C1orf21: variants seen among roughly 807,000 people sequenced by gnomAD.
The protein encoded by C1orf21 is chromosome 1 open reading frame 21.
A neutral mutation model predicts 18.7 loss-of-function variants in C1orf21; 3 were observed. The observed-to-expected ratio is 0.16, with a 90% CI of 0.07 to 0.42. The LOEUF is 0.42. C1orf21 is among the 10% of genes least tolerant of loss of function. The pLI, the probability that C1orf21 is intolerant of heterozygous loss-of-function variation, is 0.99. For synonymous variants in C1orf21, 41 were observed against 46.4 expected, an observed-to-expected ratio of 0.88 and a Z score of 0.47; for missense variants, 104 against 143.6, an observed-to-expected ratio of 0.72 and a Z score of 1.41.
At chr1:184,483,825 T>C (rs543689276) in intron 2 of C1orf21, among the ~76,000 whole-genome samples, 2 of 148,654 alleles carry the variant, frequency 1.3e-5, no homozygotes, top group East Asian at 4.0e-4. Flanking sequence ...TTTCTGTTTG[T>C]GCCAATAAAT....
At chr1:184,443,550 TAGTACCTGTAAAAGTTA>T (rs1399138814) in intron 1 of C1orf21, among the ~76,000 whole-genome samples, 3 of 152,224 alleles carry the variant, frequency 2.0e-5, no homozygotes, top group African/African-American at 2.4e-5. Flanking sequence ...CTTTTAAACA[TAGTACCTGTAAAAGTTA>T]AAATAGGTTT....
chr1:184,600,409 G>A (rs909983494), intron 5 of C1orf21, among the ~76,000 whole-genome samples: 7 of 152,064 alleles, frequency 4.6e-5, no homozygotes, highest in African/African-American at 9.7e-5. Flanking sequence ...TCAGGTGATC[G>A]ACGCACCTCA....
intron 1 of C1orf21, among the ~76,000 whole-genome samples, chr1:184,434,277 G>A (rs1337997935): frequency 2.0e-5 from 3 of 151,748 alleles, no homozygotes; most frequent in Non-Finnish European, 4.4e-5. Context: ...GAGGGTCTCT[G>A]TGGTGTCAGG....
chr1:184,559,640 C>T lies in C1orf21; in HGVS notation c.190-31099C>T, dbSNP rs533715840. ...CTCCCTCCCTCCCTTACTTTCTTTC[C>T]TTTCTTTCACATGTTCTGTCACCCA... On this transcript the variant is annotated intron_variant, in intron 3 of 5. Transcript: ENST00000235307. Among the ~76,000 whole-genome samples the T allele has an allele frequency of 1.8e-3, 251 of 137,966 alleles. 3 individuals are homozygous for T. The highest frequency in any genetic ancestry group is 7.4e-3 in the Middle Eastern group (2 of 272). 90.5% of individuals were successfully genotyped at this position (137,966 alleles called of 152,430 possible).
intron 1 of C1orf21, among the ~76,000 whole-genome samples, chr1:184,460,300 T>C (rs1455111618): frequency 6.6e-6 from 1 of 152,144 alleles, no homozygotes; most frequent in Non-Finnish European, 1.5e-5. Flanking sequence ...CTGCTCCCAT[T>C]GTCAGGAGAA....
chr1:184,589,364 AT>A (rs1659405019), intron 3 of C1orf21, among the ~76,000 whole-genome samples: 1 of 152,240 alleles, frequency 6.6e-6, no homozygotes, highest in Non-Finnish European at 1.5e-5. Context: ...GACATCGTTC[AT>A]TCATTCACCA....
At chr1:184,499,053 G>A (rs1224726937) in intron 2 of C1orf21, among the ~76,000 whole-genome samples, 1 of 152,100 alleles carries the variant, frequency 6.6e-6, no homozygotes, top group Non-Finnish European at 1.5e-5. Context: ...CCAGAACATT[G>A]AAAGGGCTCT....
rs67546366 is a variant in C1orf21, at chr1:184,410,663, A to ATAT, written c.-125+23296_-125+23297insATT. ...TATATATATATATATATATATATAT[A>ATAT]TTTTTTTTTTTTTTTTTTGAGATGG... On this transcript the variant is annotated intron_variant, in intron 1 of 5. Transcript: ENST00000235307. 5.6e-3 allele frequency among the ~76,000 whole-genome samples: 43 copies of ATAT among 7,656 alleles called. 1 individual carries two copies. Among genetic ancestry groups the ATAT allele is most frequent in the South Asian group, 0.016 (2 of 128 alleles). 5.0% of individuals were successfully genotyped at this position (7,656 alleles called of 152,430 possible). A position where few individuals can be genotyped will look rare whatever the true frequency, so the allele number is the denominator to read the frequency against.
intron 1 of C1orf21, among the ~76,000 whole-genome samples, chr1:184,391,205 T>G (rs1655966631): frequency 6.6e-6 from 1 of 152,218 alleles, no homozygotes; most frequent in Non-Finnish European, 1.5e-5. Context: ...AGGATAAACA[T>G]AGAAATGAGC....
At chr1:184,533,420 A>G (rs934020063) in intron 3 of C1orf21, among the ~76,000 whole-genome samples, 1 of 152,176 alleles carries the variant, frequency 6.6e-6, no homozygotes, top group Non-Finnish European at 1.5e-5. Context: ...GTGCTGGATA[A>G]ATATTTGCAG....
At chr1:184,471,267 G>A (rs1334125674) in intron 1 of C1orf21, among the ~76,000 whole-genome samples, 3 of 152,132 alleles carry the variant, frequency 2.0e-5, no homozygotes, top group Non-Finnish European at 4.4e-5. Flanking sequence ...TCTAAGCTGT[G>A]TTTATTTTTC....
At chr1:184,611,760 G>T (rs1189860495) in intron 5 of C1orf21, among the ~76,000 whole-genome samples, 1 of 152,180 alleles carries the variant, frequency 6.6e-6, no homozygotes, top group Admixed American at 6.5e-5. Flanking sequence ...TCAGAAAGCA[G>T]TTAAGTCCCA....
At chr1:184,481,532 AG>A (rs1657653929) in intron 2 of C1orf21, among the ~76,000 whole-genome samples, 2 of 152,194 alleles carry the variant, frequency 1.3e-5, no homozygotes, top group East Asian at 1.9e-4. Context: ...GCAAGGGTAT[AG>A]GTGCAGGGAG....
At chr1:184,410,467 T>C (rs574799084) in intron 1 of C1orf21, among the ~76,000 whole-genome samples, 1 of 149,608 alleles carries the variant, frequency 6.7e-6, no homozygotes, top group South Asian at 2.1e-4. Flanking sequence ...TGAAACAAAT[T>C]ACAGTGAATT....
At chr1:184,616,370 C>CG (rs1402991622) in intron 5 of C1orf21, among the ~76,000 whole-genome samples, 1 of 152,256 alleles carries the variant, frequency 6.6e-6, no homozygotes, top group Non-Finnish European at 1.5e-5. Context: ...GGGCTTCACT[C>CG]TTTGCCTTGC....
In C1orf21 at chr1:184,467,719, C is replaced by T. The variant is rs552758399; in HGVS notation, c.-124-9667C>T. On this transcript the variant is annotated intron_variant, in intron 1 of 5. Transcript: ENST00000235307. ...CTGCCCCTCTCATCTTAGAGTTCAT[C>T]ACTATTCCATTACATAATAATGATG... Among the ~76,000 whole-genome samples the T allele has an allele frequency of 3.6e-4, 55 of 152,314 alleles. 1 individual carries two copies. The highest frequency in any genetic ancestry group is 1.0e-4 in the Non-Finnish European group (7 of 68,040).
chr1:184,446,687 A>G (rs900570956), intron 1 of C1orf21, among the ~76,000 whole-genome samples: 1 of 151,950 alleles, frequency 6.6e-6, no homozygotes, highest in Non-Finnish European at 1.5e-5. Flanking sequence ...GTTTCAGTGT[A>G]TGGAGCTTAC....
intron 1 of C1orf21, among the ~76,000 whole-genome samples, chr1:184,440,511 C>T (rs1462748487): frequency 6.6e-6 from 1 of 151,518 alleles, no homozygotes; most frequent in African/African-American, 2.4e-5. Flanking sequence ...CTCAGCCTCC[C>T]AAAGTGCTGG....
intron 5 of C1orf21, among the ~76,000 whole-genome samples, chr1:184,615,307 G>A (rs1659804588): frequency 6.6e-6 from 1 of 152,132 alleles, no homozygotes; most frequent in Admixed American, 6.5e-5. Flanking sequence ...GGTTCCTTGG[G>A]GTTTTTTGAG....
Sources: allele counts gnomAD v4.1 joint callset (sites outside exome capture counted in the v4.1 genomes callset), GRCh38; gene constraint gnomAD v4.1.1; transcripts MANE v1.5; gene names NCBI Gene and HGNC (gene_info 2026-07-23, HGNC 2026-07-21).